TMX3: variants seen among roughly 807,000 people sequenced by gnomAD.
TMX3 encodes protein disulfide-isomerase TMX3.
In TMX3, 40 loss-of-function variants were observed where a neutral mutation model predicts 64.4. The ratio of observed to expected loss-of-function variants is 0.62; its 90% CI spans 0.48 to 0.81. The LOEUF is 0.81. Among genes scored for constraint, TMX3 ranks in the 30% least tolerant of loss-of-function variants. The probability of loss-of-function intolerance (pLI) is 0.00; values close to 1 mark genes in which losing one functional copy is unlikely to be tolerated. For missense variants in TMX3, 497 were observed against 534.5 expected, an observed-to-expected ratio of 0.93 and a Z score of 0.69; for synonymous variants, 189 against 175.7, an observed-to-expected ratio of 1.08 and a Z score of -0.60.
chr18:68,685,781 T>A (rs1913891816), intron 10 of TMX3, among the ~76,000 whole-genome samples: 2 of 152,028 alleles, frequency 1.3e-5, no homozygotes, highest in Admixed American at 6.6e-5. Flanking sequence ...TATGCTGCTA[T>A]AAAAAAAATT....
At chr18:68,680,114 A>G (rs1211344183) in intron 14 of TMX3, among the ~76,000 whole-genome samples, 1 of 152,216 alleles carries the variant, frequency 6.6e-6, no homozygotes, top group Non-Finnish European at 1.5e-5. Flanking sequence ...CATTTCAACA[A>G]ATTATTTTCA....
chr18:68,680,174 G>C (rs909438809), intron 14 of TMX3, among the ~76,000 whole-genome samples: 8 of 152,086 alleles, frequency 5.3e-5, no homozygotes, highest in African/African-American at 1.9e-4. Context: ...CACCTTGACC[G>C]AAAGTAGTTA....
intron 4 of TMX3, among the ~76,000 whole-genome samples, chr18:68,707,019 T>C (rs1306081676): frequency 6.6e-6 from 1 of 152,216 alleles, no homozygotes; most frequent in East Asian, 1.9e-4. Flanking sequence ...CACAAGTTAC[T>C]GTTTGTCTCT....
intron 1 of TMX3, among the ~76,000 whole-genome samples, chr18:68,714,714 C>T (rs1008314182): frequency 6.6e-6 from 1 of 152,250 alleles, no homozygotes; most frequent in African/African-American, 2.4e-5. Context: ...CTTCCCACGT[C>T]CAGCATTGGT....
At position 68,676,788 on chromosome 18, in the gene TMX3, G is replaced by T. The variant is rs1157696158; in HGVS notation, c.*145C>A. On this transcript the variant is annotated 3_prime_UTR_variant, in exon 16 of 16. Transcript: ENST00000299608. ...TCCAAACACTTCCCCATGTATGGAG[G>T]GACTACTTTAATCCATGCAGTTGAT... 4.1e-6 allele frequency: 4 copies of T among 977,280 alleles called. No homozygotes were observed. Among genetic ancestry groups the T allele is most frequent in the Non-Finnish European group, 5.9e-6 (4 of 681,154 alleles). 60.5% of individuals were successfully genotyped at this position (977,280 alleles called of 1,614,324 possible). A position where few individuals can be genotyped will look rare whatever the true frequency, so the allele number is the denominator to read the frequency against.
At chr18:68,706,303 C>G (rs1429209563) in intron 4 of TMX3, 2 of 152,180 alleles carry the variant, frequency 1.3e-5, no homozygotes, top group Non-Finnish European at 2.9e-5. Context: ...CCCAGCTACT[C>G]GAGAGGCTGA....
chr18:68,714,655 T>C (rs1371881301), intron 1 of TMX3, among the ~76,000 whole-genome samples: 2 of 152,232 alleles, frequency 1.3e-5, no homozygotes, highest in African/African-American at 2.4e-5. Flanking sequence ...GTAAGCTTTA[T>C]TGAAACTTCT....
chr18:68,677,143 T>G lies in TMX3; in HGVS notation c.1155A>C (p.Pro385=). 1 of 1,613,750 alleles carries G rather than the reference T, an allele frequency of 6.2e-7. No homozygotes were observed. Among genetic ancestry groups the G allele is most frequent in the Non-Finnish European group, 8.5e-7 (1 of 1,179,718 alleles). ...AGCACATGATACTGATGACACCCAG[T>G]GGCAGGCCAAAGAGAAAGCAGCCCA... ...PLMGCFLFGL[P]LGVISIMCYG... Residue 385 remains proline (P), a synonymous_variant, in exon 16 of 16, where the codon CCA becomes CCC. Transcript: ENST00000299608.
Position 68,685,853 on chromosome 18 carries a change from G to C in TMX3, c.737-1368C>G, listed in dbSNP as rs567917382. ...AGATTTTCCTAAGGAAGCAGTATTT[G>C]GTCTGAGTTTGATGGATGAATACGA... On this transcript the variant is annotated intron_variant, in intron 10 of 15. Transcript: ENST00000299608. Among the ~76,000 whole-genome samples the C allele has an allele frequency of 5.8e-4, 89 of 152,254 alleles. 2 individuals are homozygous for C. Among genetic ancestry groups the C allele is most frequent in the Admixed American group, 4.1e-3 (62 of 15,292 alleles).
chr18:68,710,719 T>G (rs1265335916), intron 3 of TMX3, among the ~76,000 whole-genome samples: 1 of 152,170 alleles, frequency 6.6e-6, no homozygotes, highest in East Asian at 1.9e-4. Flanking sequence ...TTCCCCTAAT[T>G]AAGTGATGTT....
chr18:68,682,755 C>A (rs1395881137), intron 13 of TMX3, among the ~76,000 whole-genome samples, 170 bp downstream of exon 13: 2 of 151,036 alleles, frequency 1.3e-5, no homozygotes, highest in African/African-American at 4.9e-5. Flanking sequence ...CAGTTAAGTT[C>A]CAAATACAGA....
At chr18:68,688,319 ACT>A (rs1484891848) in intron 9 of TMX3, 3 of 152,118 alleles carry the variant, frequency 2.0e-5, no homozygotes, top group Admixed American at 6.5e-5. Context: ...CTAGTTTACA[ACT>A]CTTTCTCAAA....
At chr18:68,701,680 G>GT (rs753258215) in intron 5 of TMX3, 65 bp downstream of exon 5, 2 of 1,602,962 alleles carry the variant, frequency 1.2e-6, no homozygotes, top group African/African-American at 1.3e-5. Context: ...AGAAATTAAC[G>GT]TAATAAAATG....
chr18:68,683,026 T>TGG (rs760826442), intron 12 of TMX3, 45 bp from the exon 13 acceptor site: 84 of 1,548,700 alleles, frequency 5.4e-5, no homozygotes, highest in Non-Finnish European at 4.3e-5. Context: ...GGAGAGGGGG[T>TGG]GGGGGGAGAG....
chr18:68,677,276 G>T, intron 15 of TMX3, 83 bp from the exon 16 acceptor site: 1 of 1,434,128 alleles, frequency 7.0e-7, no homozygotes. Flanking sequence ...AACCACTATA[G>T]ATTTCTCTTG....
intron 4 of TMX3, chr18:68,706,415 AAAATAAAG>A (rs952778900): frequency 6.6e-6 from 1 of 152,232 alleles, no homozygotes; most frequent in African/African-American, 2.4e-5. Flanking sequence ...CTGTCTCAAA[AAAATAAAG>A]AAATAAAGAA....
At chr18:68,700,552 T>C (rs1257811506) in intron 5 of TMX3, 67 bp from the exon 6 acceptor site, 11 of 1,190,772 alleles carry the variant, frequency 9.2e-6, no homozygotes, top group Non-Finnish European at 1.0e-5. Flanking sequence ...TGTTAATCAT[T>C]ATCTATTGTT....
intron 10 of TMX3, among the ~76,000 whole-genome samples, chr18:68,686,136 G>T (rs1042873236): frequency 6.6e-6 from 1 of 152,106 alleles, no homozygotes; most frequent in African/African-American, 2.4e-5. Context: ...GCCGCACAGC[G>T]TCAGGAGGCT....
chr18:68,684,816 G>A (rs9675990), intron 10 of TMX3, among the ~76,000 whole-genome samples: 1 of 151,980 alleles, frequency 6.6e-6, no homozygotes, highest in Admixed American at 6.6e-5. Flanking sequence ...CTACAAATTG[G>A]CTAAGATAAC....
Sources: gnomAD v4.1 joint callset for allele counts (sites outside exome capture counted in the v4.1 genomes callset) on GRCh38, gnomAD v4.1.1 for gene constraint, MANE v1.5 for transcripts, NCBI Gene and HGNC (gene_info 2026-07-23, HGNC 2026-07-21) for gene names.